Variants in CC2D2B observed in about 807,000 individuals in gnomAD.
CC2D2B encodes coiled-coil and C2 domain containing 2B, also known as protein CC2D2B.
CC2D2B carries 128 observed loss-of-function variants against 161.2 expected under a neutral mutation model. The observed-to-expected ratio is 0.79, with a 90% confidence interval of 0.69 to 0.92. CC2D2B has a LOEUF of 0.92. Among genes scored for constraint, CC2D2B ranks in the 40% least tolerant of loss-of-function variants. CC2D2B has a pLI of 0.00. For missense variants in CC2D2B, 1,173 were observed against 1,375.1 expected (o/e 0.85, Z 2.32); for synonymous variants, 391 against 449.8 (o/e 0.87, Z 1.65).
intron 34 of CC2D2B, 77 bp from the exon 35 acceptor site, chr10:96,031,743 G>C: frequency 7.9e-7 from 1 of 1,263,886 alleles, no homozygotes; most frequent in South Asian, 1.4e-5. Flanking sequence ...TGAGGCTTTT[G>C]TGATCTTTTT....
rs1240279815 is a variant in CC2D2B at position 96,031,896 on chromosome 10, A to C, written c.4202A>C (p.His1401Pro). The change falls in exon 35 of 35, where the codon CAC becomes CCC. Residue 1401 changes from histidine (H) to proline (P), a missense_variant. By Grantham distance (77) the His-to-Pro change is moderately conservative. Transcript: ENST00000646931. Reference protein sequence around the residue: ...IIDAVYQTGIHSAEFPQTEFA... With the variant: ...IIDAVYQTGIPSAEFPQTEFA... ...GATGCTGTTTATCAAACTGGAATTC[A>C]CTCTGCTGAATTTCCCCAGACAGAA... is the stretch of plus-strand genomic sequence containing the variant. The C allele has an allele frequency of 6.2e-7, 1 of 1,613,494 alleles. No homozygotes were observed. Among genetic ancestry groups the C allele is most frequent in the Non-Finnish European group, 8.5e-7 (1 of 1,179,646 alleles).
intron 16 of CC2D2B, 29 bp downstream of exon 16, chr10:95,972,245 C>T (rs1189674170): frequency 8.2e-7 from 1 of 1,225,878 alleles, no homozygotes; most frequent in Non-Finnish European, 1.0e-6. Context: ...TTACATTCCC[C>T]CTATTTTCTT....
chr10:95,924,374 A>G lies in CC2D2B; in HGVS notation c.158A>G (p.Lys53Arg). The G allele has an allele frequency of 6.6e-7, 1 of 1,517,704 alleles. No homozygotes were observed. The highest frequency in any genetic ancestry group is 2.5e-5 in the East Asian group (1 of 39,804). The allele number at this position is 1,517,704 out of a possible 1,614,324, so 94.0% of individuals were successfully genotyped here. The part of the protein sequence containing the change: ...AKTLRGKVRE[K>R]LKISKINKGE... ...ACATTGAGAGGCAAAGTGAGAGAAAAGCTAAAAATTTCTAAGGTAATGCTT... is the reference window on the plus strand; with the variant it reads ...ACATTGAGAGGCAAAGTGAGAGAAAGGCTAAAAATTTCTAAGGTAATGCTT... Residue 53 changes from lysine to arginine, a missense_variant, in exon 4 of 35, where the codon AAG becomes AGG. Lys to Arg is a conservative substitution (Grantham distance 26, BLOSUM62 2). Around this residue, in one of 3 missense-constraint regions of CC2D2B, gnomAD observed 298 missense variants for 261.2 expected, o/e 1.14. Coordinates refer to ENST00000646931, the MANE Select transcript of CC2D2B (RefSeq NM_001349008.3).
intron 12 of CC2D2B, among the ~76,000 whole-genome samples, chr10:95,964,618 A>G (rs2076877633): frequency 6.6e-6 from 1 of 152,160 alleles, no homozygotes; most frequent in South Asian, 2.1e-4. Context: ...TAATTTTCAG[A>G]TGAGAAAAGT....
chr10:96,010,688 AAGG>A (rs1251706926), intron 26 of CC2D2B, among the ~76,000 whole-genome samples: 1 of 152,178 alleles, frequency 6.6e-6, no homozygotes, highest in Non-Finnish European at 1.5e-5. Flanking sequence ...AGAGGAGACT[AAGG>A]AGGAGAACCA....
At chr10:95,917,293 CATT>C (rs1410189565) in intron 2 of CC2D2B, among the ~76,000 whole-genome samples, 1 of 151,882 alleles carries the variant, frequency 6.6e-6, no homozygotes, top group Non-Finnish European at 1.5e-5. Context: ...TCTTATGGGT[CATT>C]GAGTCTTGAT....
At chr10:95,993,897 AGAATG>A (rs2078075844) in intron 22 of CC2D2B, among the ~76,000 whole-genome samples, 5 of 99,820 alleles carry the variant, frequency 5.0e-5, no homozygotes, top group African/African-American at 7.6e-5. Context: ...ATAGAGAGAG[AGAATG>A]TGTGTGTGTG....
rs144586972 is a variant in CC2D2B, at chr10:95,928,640, G to A, written c.336+1308G>A. Among the ~76,000 whole-genome samples, 539 of 152,206 alleles carry A rather than the reference G, an allele frequency of 3.5e-3. 24 individuals carry two copies. The East Asian group carries it at 0.081, about 23-fold the overall frequency. The stretch of plus-strand genomic sequence containing the variant: ...TTCTCATTGTTCAACTCCTACTTAT[G>A]AGTGAGAACATGCGGTGTTTGGTTT... On this transcript the variant is annotated intron_variant, in intron 6 of 34. Transcript: ENST00000646931.
At chr10:95,990,144 C>T (rs2077891741) in intron 20 of CC2D2B, among the ~76,000 whole-genome samples, 1 of 152,142 alleles carries the variant, frequency 6.6e-6, no homozygotes, top group African/African-American at 2.4e-5. Flanking sequence ...ATTATAATCC[C>T]TGAGCTCCTT....
chr10:95,965,820 TG>T, intron 12 of CC2D2B, 75 bp from the exon 13 acceptor site: 7 of 407,908 alleles, frequency 1.7e-5, no homozygotes, highest in East Asian at 3.8e-5. Flanking sequence ...TGTGTGTGTG[TG>T]TTGGCAAAAT....
chr10:95,990,432 C>T (rs945405798), intron 20 of CC2D2B, among the ~76,000 whole-genome samples: 4 of 152,012 alleles, frequency 2.6e-5, no homozygotes, highest in East Asian at 1.9e-4. Context: ...GAAAACTTGG[C>T]GTAGAAGCAC....
intron 6 of CC2D2B, among the ~76,000 whole-genome samples, chr10:95,929,542 G>A (rs1245125520): frequency 4.6e-5 from 7 of 152,124 alleles, no homozygotes; most frequent in African/African-American, 1.7e-4. Context: ...TTACATTTAA[G>A]TCTTTAATCC....
intron 34 of CC2D2B, among the ~76,000 whole-genome samples, chr10:96,031,569 C>T (rs2080068296): frequency 6.6e-6 from 1 of 152,172 alleles, no homozygotes; most frequent in Admixed American, 6.5e-5. Flanking sequence ...AGGCTTTGGA[C>T]TCAGACCTGG....
At chr10:95,912,445 T>A (rs1486594365) in intron 2 of CC2D2B, among the ~76,000 whole-genome samples, 1 of 152,122 alleles carries the variant, frequency 6.6e-6, no homozygotes, top group Non-Finnish European at 1.5e-5. Context: ...GAGACACAGA[T>A]TTGGGAATCC....
chr10:95,908,529 G>C (rs568117754), intron 1 of CC2D2B, among the ~76,000 whole-genome samples: 64 of 152,280 alleles, frequency 4.2e-4, no homozygotes, highest in South Asian at 1.2e-3. Flanking sequence ...ATCCATTTGC[G>C]GGGAAGTTGT....
chr10:95,918,565 G>A (rs2098520910), intron 2 of CC2D2B, among the ~76,000 whole-genome samples: 2 of 152,142 alleles, frequency 1.3e-5, no homozygotes, highest in Admixed American at 1.3e-4. Context: ...TGACCTTTGG[G>A]AGTTTGATTA....
At chr10:95,934,675 G>A (rs2075751699) in intron 6 of CC2D2B, among the ~76,000 whole-genome samples, 1 of 152,212 alleles carries the variant, frequency 6.6e-6, no homozygotes, top group South Asian at 2.1e-4. Context: ...CCTGGGTGAG[G>A]CGGTGCCCCA....
intron 26 of CC2D2B, among the ~76,000 whole-genome samples, chr10:96,011,337 G>C (rs2141853340): frequency 6.6e-6 from 1 of 152,218 alleles, no homozygotes; most frequent in Middle Eastern, 3.4e-3. Context: ...TAAGAGTGTG[G>C]GCTTCAAAGG....
intron 25 of CC2D2B, among the ~76,000 whole-genome samples, chr10:96,007,783 T>C (rs994515665): frequency 6.6e-6 from 1 of 152,052 alleles, no homozygotes; most frequent in African/African-American, 2.4e-5. Flanking sequence ...ATGAAAAATA[T>C]AAGTGGCCAA....
Sources: allele counts gnomAD v4.1 joint callset (sites outside exome capture counted in the v4.1 genomes callset), GRCh38; gene constraint gnomAD v4.1.1; regional missense constraint gnomAD v4.1.1; transcripts MANE v1.5; gene names NCBI Gene and HGNC (gene_info 2026-07-23, HGNC 2026-07-21).